The following CAST variants were observed in gnomAD, a reference collection of about 807,000 sequenced individuals.
CAST encodes the protein MIR583 host.
Under a neutral mutation model 119.6 loss-of-function variants are expected in CAST, and 76 were observed. That is an observed-to-expected ratio of 0.64 (90% CI 0.53 to 0.77). CAST has a LOEUF of 0.77. CAST is among the 30% of genes least tolerant of loss of function. The pLI is 0.00. For synonymous variants in CAST, 319 were observed against 331.6 expected, an observed-to-expected ratio of 0.96 and a Z score of 0.41; for missense variants, 953 against 946.5, an observed-to-expected ratio of 1.01 and a Z score of -0.09.
chr5:96,012,494 A>G, the CAST span, among the ~76,000 whole-genome samples: 2 of 152,124 alleles, frequency 1.3e-5, no homozygotes, highest in Non-Finnish European at 2.9e-5. Context: ...AGGGTAACAT[A>G]TGGTCTGAAG....
chr5:96,089,005 T>A, the CAST span, among the ~76,000 whole-genome samples: 1 of 151,708 alleles, frequency 6.6e-6, no homozygotes, highest in South Asian at 2.1e-4. Flanking sequence ...GTCAGCATCA[T>A]CTAATTGGGG....
At chr5:96,129,179 G>A in the CAST span, among the ~76,000 whole-genome samples, 1 of 152,046 alleles carries the variant, frequency 6.6e-6, no homozygotes, top group Non-Finnish European at 1.5e-5. Flanking sequence ...AAAGTCAGAT[G>A]CAATCTAGAC....
chr5:96,394,305 T>C, the CAST span, among the ~76,000 whole-genome samples: 2 of 152,202 alleles, frequency 1.3e-5, no homozygotes, highest in Non-Finnish European at 2.9e-5. Context: ...AACCCAGGAA[T>C]GTGAACGACT....
chr5:96,108,350 T>C, the CAST span, among the ~76,000 whole-genome samples: 1 of 152,206 alleles, frequency 6.6e-6, no homozygotes, highest in Non-Finnish European at 1.5e-5. Context: ...CCCATCTTTG[T>C]GGTTTTATCT....
the CAST span, among the ~76,000 whole-genome samples, chr5:96,128,994 C>T: frequency 6.6e-6 from 1 of 152,060 alleles, no homozygotes; most frequent in Non-Finnish European, 1.5e-5. Flanking sequence ...AAAAGGCTTA[C>T]AGGAGACCCA....
intron 1 of CAST, among the ~76,000 whole-genome samples, chr5:96,610,447 G>A (rs1354492690): frequency 1.3e-5 from 2 of 152,114 alleles, no homozygotes; most frequent in Non-Finnish European, 2.9e-5. Flanking sequence ...GATACGAAAA[G>A]GCATTCGATA....
upstream of CAST, among the ~76,000 whole-genome samples, chr5:96,658,886 T>C (rs552051705): frequency 2.6e-5 from 4 of 152,068 alleles, no homozygotes; most frequent in Non-Finnish European, 5.9e-5. Flanking sequence ...CTAAAACTCT[T>C]ATGCTTTACC....
chr5:96,415,609 T>C, the CAST span, among the ~76,000 whole-genome samples: 1 of 152,190 alleles, frequency 6.6e-6, no homozygotes, highest in African/African-American at 2.4e-5. Flanking sequence ...ATATAATAAG[T>C]ATGTACTTTT....
the CAST span, among the ~76,000 whole-genome samples, chr5:96,385,859 A>G: frequency 2.6e-5 from 4 of 152,198 alleles, 1 homozygote; most frequent in South Asian, 8.3e-4. Flanking sequence ...ATTCCGTGCT[A>G]TAAATATCTT....
chr5:96,531,238 G>A (rs1745683161), intron 1 of CAST, among the ~76,000 whole-genome samples: 1 of 152,194 alleles, frequency 6.6e-6, no homozygotes, highest in Admixed American at 6.5e-5. Context: ...ACAGCTCACA[G>A]AACACATAGG....
In CAST at chr5:96,737,885, A is replaced by T; in HGVS notation, c.736A>T (p.Thr246Ser). ...MDAALDDLIDTLGGPEETEEE... is the reference protein window; with the variant it reads ...MDAALDDLIDSLGGPEETEEE... ...TGCTGCTTTGGATGACTTAATAGAT[A>T]CTTTAGGAGGACCTGAAGAAACTGA... Residue 246 changes from threonine to serine, a missense_variant, in exon 11 of 32, where the codon ACT becomes TCT. Thr to Ser is a moderately conservative substitution (Grantham distance 58). Transcript: ENST00000675179. 1 of 1,607,498 alleles carries T rather than the reference A, an allele frequency of 6.2e-7. No individual in the cohort carries two copies. Among genetic ancestry groups the T allele is most frequent in the Non-Finnish European group, 8.5e-7 (1 of 1,174,128 alleles).
chr5:96,209,022 A>G, the CAST span, among the ~76,000 whole-genome samples: 14 of 152,128 alleles, frequency 9.2e-5, no homozygotes, highest in Admixed American at 2.6e-4. Flanking sequence ...GGGTGCATAT[A>G]TATTTAGGGT....
chr5:96,235,734 C>T, the CAST span, among the ~76,000 whole-genome samples: 18 of 152,288 alleles, frequency 1.2e-4, no homozygotes, highest in Non-Finnish European at 1.9e-4. Context: ...TTTCCTCCCT[C>T]TGGGGGAAGA....
the CAST span, among the ~76,000 whole-genome samples, chr5:96,411,206 G>A: frequency 1.3e-5 from 2 of 152,300 alleles, no homozygotes; most frequent in Non-Finnish European, 2.9e-5. Flanking sequence ...GGGCCCTCCT[G>A]GGGTAGGGCT....
chr5:96,146,498 A>G, the CAST span, among the ~76,000 whole-genome samples: 2 of 152,260 alleles, frequency 1.3e-5, no homozygotes, highest in African/African-American at 4.8e-5. Context: ...GGTGATGCTG[A>G]TGCTATTGGT....
At chr5:96,660,431 C>T (rs1410842458), upstream of CAST, among the ~76,000 whole-genome samples, 2 of 152,212 alleles carry the variant, frequency 1.3e-5, no homozygotes, top group Non-Finnish European at 2.9e-5. Context: ...TCTTTTTAAT[C>T]TCTATATCTC....
At chr5:96,519,975 T>G in the CAST span, among the ~76,000 whole-genome samples, 1 of 152,230 alleles carries the variant, frequency 6.6e-6, no homozygotes, top group Non-Finnish European at 1.5e-5. Context: ...TGTCTCACTG[T>G]GTTATATGAA....
the CAST span, among the ~76,000 whole-genome samples, chr5:96,325,409 TCTC>T: frequency 6.6e-6 from 1 of 151,214 alleles, no homozygotes; most frequent in South Asian, 2.1e-4. Flanking sequence ...TTTCTTTCTT[TCTC>T]TCTTTCTTTC....
chr5:96,061,461 G>A, the CAST span, among the ~76,000 whole-genome samples: 1 of 152,160 alleles, frequency 6.6e-6, no homozygotes, highest in Non-Finnish European at 1.5e-5. Context: ...ATATAGGACT[G>A]TAGGGACCAG....
Sources: allele counts gnomAD v4.1 joint callset (sites outside exome capture counted in the v4.1 genomes callset), GRCh38; gene constraint gnomAD v4.1.1; transcripts MANE v1.5; gene names NCBI Gene and HGNC (gene_info 2026-07-23, HGNC 2026-07-21).